Variants in ALG8 observed in about 807,000 individuals in gnomAD.
ALG8 encodes the protein ALG8 alpha-1,3-glucosyltransferase.
Under a neutral mutation model 70.2 loss-of-function variants are expected in ALG8, and 48 were observed. That is an observed-to-expected ratio of 0.68 (90% CI 0.54 to 0.87). The LOEUF is 0.87. Ranked by LOEUF, ALG8 falls within the 40% of genes least tolerant of loss-of-function variation. The pLI, the probability that ALG8 is intolerant of heterozygous loss-of-function variation, is 0.00. For missense variants in ALG8, 572 were observed against 608.7 expected (o/e 0.94, Z 0.64); for synonymous variants, 234 against 229.0 (o/e 1.02, Z -0.20).
At chr11:78,119,428 ATTT>A (rs768598740) in intron 4 of ALG8, among the ~76,000 whole-genome samples, 179 bp from the exon 5 acceptor site, 4 of 88,686 alleles carry the variant, frequency 4.5e-5, no homozygotes, top group Admixed American at 9.4e-5. Context: ...TTTTTTTTTA[ATTT>A]TTTTTTTTTT....
intron 5 of ALG8, chr11:78,114,922 G>A: frequency 5.1e-6 from 1 of 195,372 alleles, no homozygotes; most frequent in African/African-American, 2.3e-5. Flanking sequence ...GCTGCAATGA[G>A]CCATGATGAC....
intron 8 of ALG8, among the ~76,000 whole-genome samples, chr11:78,110,295 G>A (rs1271277846): frequency 2.0e-5 from 3 of 152,074 alleles, no homozygotes; most frequent in Admixed American, 2.0e-4. Flanking sequence ...AGGTTCCAGC[G>A]ATTCTCCTGC....
intron 3 of ALG8, among the ~76,000 whole-genome samples, chr11:78,123,174 T>G (rs1464064249): frequency 6.6e-6 from 1 of 151,610 alleles, no homozygotes; most frequent in Non-Finnish European, 1.5e-5. Flanking sequence ...GCCATGGTGG[T>G]GTGCACCTGT....
At chr11:78,106,703 T>A in intron 10 of ALG8, 104 bp downstream of exon 10, 2 of 1,490,874 alleles carry the variant, frequency 1.3e-6, no homozygotes, top group South Asian at 1.1e-5. Flanking sequence ...TACATCTTTG[T>A]TTTTGCCTAT....
At chr11:78,128,303 G>A (rs767639767) in intron 1 of ALG8, among the ~76,000 whole-genome samples, 9 of 152,128 alleles carry the variant, frequency 5.9e-5, no homozygotes, top group Non-Finnish European at 1.2e-4. Flanking sequence ...AGTACCTGAC[G>A]CATGGACAAG....
intron 5 of ALG8, among the ~76,000 whole-genome samples, chr11:78,116,125 C>G (rs1017299502): frequency 7.2e-5 from 11 of 151,798 alleles, no homozygotes; most frequent in African/African-American, 2.4e-4. Flanking sequence ...TTTGGGAGAC[C>G]GAGGCGGGTG....
At chr11:78,113,787 G>T (rs1300541889) in intron 7 of ALG8, 99 bp downstream of exon 7, 9 of 895,446 alleles carry the variant, frequency 1.0e-5, no homozygotes, top group African/African-American at 1.9e-5. Flanking sequence ...TAAGAAAAAA[G>T]TAGCTTTTAC....
At chr11:78,119,143 T>C (rs1472825458) in intron 5 of ALG8, 39 bp downstream of exon 5, 1 of 1,509,630 alleles carries the variant, frequency 6.6e-7, no homozygotes, top group Non-Finnish European at 9.2e-7. Flanking sequence ...TAAAAACTAA[T>C]CTAAAAGGGA....
intron 2 of ALG8, among the ~76,000 whole-genome samples, 196 bp from the exon 3 acceptor site, chr11:78,124,410 C>A (rs1272631911): frequency 6.6e-6 from 1 of 152,160 alleles, no homozygotes; most frequent in Non-Finnish European, 1.5e-5. Context: ...CAAGACCAGT[C>A]TGGGCAACAT....
At position 78,127,252 on chromosome 11, in the gene ALG8, C is replaced by T. The variant is rs988912769; in HGVS notation, c.174+106G>A. The stretch of plus-strand genomic sequence containing the variant: ...TTGGCCTCCCAAAGTGCTGGGATTA[C>T]AAGCGTGAGCCACCGCACCCAGCCA... On this transcript the variant is annotated intron_variant, in intron 2 of 12. Coordinates refer to ENST00000299626, the MANE Select transcript of ALG8 (RefSeq NM_024079.5). 4.8e-6 allele frequency: 5 copies of T among 1,044,562 alleles called. No individual in the cohort carries two copies. The African/African-American group carries it at 4.8e-5, about 10-fold the overall frequency. 64.7% of individuals were successfully genotyped at this position (1,044,562 alleles called of 1,614,324 possible).
At chr11:78,122,677 C>T (rs1179498756) in intron 3 of ALG8, among the ~76,000 whole-genome samples, 1 of 152,116 alleles carries the variant, frequency 6.6e-6, no homozygotes, top group Non-Finnish European at 1.5e-5. Context: ...CTCTACTTTG[C>T]AGATGGAAAT....
chr11:78,117,658 AT>A (rs1198198845), intron 5 of ALG8, among the ~76,000 whole-genome samples: 53 of 151,510 alleles, frequency 3.5e-4, no homozygotes, highest in Admixed American at 5.9e-4. Flanking sequence ...TGCACCTGTA[AT>A]TCTAGCGACT....
chr11:78,116,856 C>A (rs560153564), intron 5 of ALG8, among the ~76,000 whole-genome samples: 129 of 152,118 alleles, frequency 8.5e-4, no homozygotes, highest in Non-Finnish European at 1.2e-3. Context: ...TCATCAGGTG[C>A]GGTCTAGAAT....
At chr11:78,128,330 T>G (rs1465770063) in intron 1 of ALG8, among the ~76,000 whole-genome samples, 1 of 152,218 alleles carries the variant, frequency 6.6e-6, no homozygotes, top group Non-Finnish European at 1.5e-5. Flanking sequence ...ACATTCTTGC[T>G]GAATATCCAC....
chr11:78,105,653 A>T (rs997306599), intron 10 of ALG8, among the ~76,000 whole-genome samples: 76 of 151,356 alleles, frequency 5.0e-4, no homozygotes, highest in Admixed American at 1.1e-3. Flanking sequence ...AAAAGTAAAA[A>T]AAAAAAAAAG....
At chr11:78,120,713 G>A (rs1352645707) in intron 4 of ALG8, among the ~76,000 whole-genome samples, 3 of 152,146 alleles carry the variant, frequency 2.0e-5, no homozygotes, top group African/African-American at 4.8e-5. Context: ...ATTCCCACAC[G>A]CACACTGTGA....
At chr11:78,114,158 G>C in intron 6 of ALG8, 108 bp downstream of exon 6, 1 of 1,492,272 alleles carries the variant, frequency 6.7e-7, no homozygotes, top group Non-Finnish European at 9.2e-7. Context: ...AGGATTAGCA[G>C]CTGAGATATC....
At chr11:78,121,319 CTT>C in intron 3 of ALG8, 145 bp from the exon 4 acceptor site, 1 of 657,204 alleles carries the variant, frequency 1.5e-6, no homozygotes, top group Non-Finnish European at 2.6e-6. Context: ...TTTTCTTTTT[CTT>C]TTTTTAGAAG....
Position 78,125,247 on chromosome 11 carries a change from C to T in ALG8, c.175-1033G>A, listed in dbSNP as rs375062789. Among the ~76,000 whole-genome samples the T allele has an allele frequency of 7.6e-3, 1,151 of 151,424 alleles. 17 individuals are homozygous for T. The highest frequency in any genetic ancestry group is 0.026 in the African/African-American group (1,090 of 41,306). ...CGGGGTTTCACCATGTTAGCCAGGA[C>T]GGTCTCGATCTCCTGACTTCGTGAT... is the stretch of plus-strand genomic sequence containing the variant. On this transcript the variant is annotated intron_variant, in intron 2 of 12. Transcript: ENST00000299626.
Sources: allele counts gnomAD v4.1 joint callset (sites outside exome capture counted in the v4.1 genomes callset), GRCh38; gene constraint gnomAD v4.1.1; transcripts MANE v1.5; gene names NCBI Gene and HGNC (gene_info 2026-07-23, HGNC 2026-07-21).